ZFHX3: variants seen among roughly 807,000 people sequenced by gnomAD.
ZFHX3 encodes zinc finger homeobox 3.
ZFHX3 carries 42 observed loss-of-function variants against 279.1 expected under a neutral mutation model. That is an observed-to-expected ratio of 0.15 (90% CI 0.12 to 0.19). The LOEUF is 0.19. Ranked by LOEUF, ZFHX3 falls within the 10% of genes least tolerant of loss-of-function variation. The probability of loss-of-function intolerance (pLI) is 1.00; values close to 1 mark genes in which losing one functional copy is unlikely to be tolerated. For synonymous variants in ZFHX3, 2,293 were observed against 1,957.8 expected (o/e 1.17, Z -4.52); for missense variants, 4,981 against 4,754.0 (o/e 1.05, Z -1.40).
At chr16:73,246,772 C>T (rs999465107) in intron 5 of ZFHX3, among the ~76,000 whole-genome samples, 1 of 152,166 alleles carries the variant, frequency 6.6e-6, no homozygotes, top group Admixed American at 6.5e-5. Context: ...CAACTGACTT[C>T]GGTTCCTATA....
intron 2 of ZFHX3, among the ~76,000 whole-genome samples, chr16:73,576,631 G>A (rs891973079): frequency 2.0e-5 from 3 of 152,144 alleles, no homozygotes; most frequent in South Asian, 2.1e-4. Flanking sequence ...GTTTTAACAT[G>A]TATGTCCCAA....
intron 3 of ZFHX3, among the ~76,000 whole-genome samples, chr16:72,894,415 G>A (rs775336447): frequency 4.6e-5 from 7 of 152,224 alleles, no homozygotes; most frequent in South Asian, 2.1e-4. Flanking sequence ...GGCCCTGAGC[G>A]GCTCAACCCG....
chr16:72,866,794 C>G (rs2038034858), intron 4 of ZFHX3, among the ~76,000 whole-genome samples: 1 of 152,122 alleles, frequency 6.6e-6, no homozygotes, highest in African/African-American at 2.4e-5. Flanking sequence ...CTTCAGTGTA[C>G]AGAAGTGACA....
chr16:72,792,155 CAA>C (rs890627700), intron 9 of ZFHX3, among the ~76,000 whole-genome samples: 2 of 151,900 alleles, frequency 1.3e-5, no homozygotes, highest in African/African-American at 4.8e-5. Flanking sequence ...GAAGGAGAAA[CAA>C]GAGAAGTATG....
intron 4 of ZFHX3, among the ~76,000 whole-genome samples, chr16:73,267,139 T>C (rs2013999646): frequency 1.3e-5 from 2 of 152,154 alleles, no homozygotes; most frequent in Middle Eastern, 3.2e-3. Flanking sequence ...GGGAAAAATA[T>C]CTATGGCAGA....
chr16:73,403,306 A>T (rs1427319889), intron 3 of ZFHX3, among the ~76,000 whole-genome samples: 1 of 152,134 alleles, frequency 6.6e-6, no homozygotes, highest in African/African-American at 2.4e-5. Flanking sequence ...TTGGAGAGAA[A>T]TTGTTAGTAA....
chr16:73,142,767 C>CATA (rs1966850929), intron 6 of ZFHX3, among the ~76,000 whole-genome samples: 1 of 152,208 alleles, frequency 6.6e-6, no homozygotes, highest in Non-Finnish European at 1.5e-5. Flanking sequence ...AGGCACAAGA[C>CATA]TAAGCATTTT....
intron 2 of ZFHX3, among the ~76,000 whole-genome samples, chr16:73,676,855 G>T (rs1407951852): frequency 6.6e-6 from 1 of 151,942 alleles, no homozygotes; most frequent in Non-Finnish European, 1.5e-5. Context: ...CAAAACACAA[G>T]AAGTGGGCAA....
chr16:73,062,228 C>CATTT (rs1965692655), upstream of ZFHX3: 1 of 152,132 alleles, frequency 6.6e-6, no homozygotes, highest in South Asian at 2.1e-4. Context: ...TTGCTGTGTA[C>CATTT]ATTTCTCTAG....
At chr16:73,214,164 T>A (rs2012115626) in intron 5 of ZFHX3, among the ~76,000 whole-genome samples, 2 of 152,198 alleles carry the variant, frequency 1.3e-5, no homozygotes, top group African/African-American at 4.8e-5. Context: ...CACAGCCCAG[T>A]GCTTCATCTT....
intron 4 of ZFHX3, among the ~76,000 whole-genome samples, chr16:73,299,902 C>T (rs1301086435): frequency 2.0e-5 from 3 of 152,180 alleles, no homozygotes. Context: ...CTCTCTCTTT[C>T]TTCTGTGGCA....
intron 4 of ZFHX3, among the ~76,000 whole-genome samples, chr16:72,836,592 T>G (rs1302555657): frequency 1.3e-5 from 2 of 152,142 alleles, no homozygotes; most frequent in Non-Finnish European, 2.9e-5. Context: ...TTCTCATGTA[T>G]GTACACGGAA....
At chr16:73,305,999 C>T (rs1046798941) in intron 4 of ZFHX3, among the ~76,000 whole-genome samples, 1 of 152,170 alleles carries the variant, frequency 6.6e-6, no homozygotes, top group Non-Finnish European at 1.5e-5. Flanking sequence ...TCTTCAAATG[C>T]GGATTCTGGC....
chr16:73,866,739 CAG>C (rs1962032180), intron 1 of ZFHX3, among the ~76,000 whole-genome samples: 1 of 152,164 alleles, frequency 6.6e-6, no homozygotes, highest in Admixed American at 6.5e-5. Flanking sequence ...AGCACAGGTG[CAG>C]GGAGTTTATT....
rs759426540 is a variant in ZFHX3, at chr16:72,957,815, C to A, written c.2331G>T (p.Val777=). 6 of 793,384 alleles carry A rather than the reference C, an allele frequency of 7.6e-6. No homozygotes were observed. Among genetic ancestry groups the A allele is most frequent in the Non-Finnish European group, 9.6e-6 (5 of 522,472 alleles). 49.1% of individuals were successfully genotyped at this position (793,384 alleles called of 1,614,324 possible). ...SHTAGAAAAA[V]AAAAAAANIS... is the part of the protein sequence containing the mutation. ...TATTGGCTGCCGCCGCCGCCGCAGCCACCGCCGCCGCCGCCGCCCCGGCAG... is the reference window on the plus strand; with the variant it reads ...TATTGGCTGCCGCCGCCGCCGCAGCAACCGCCGCCGCCGCCGCCCCGGCAG... The change falls in exon 2 of 10, where the codon GTG becomes GTT. Residue 777 remains valine, a synonymous_variant. Transcript: ENST00000268489.
intron 4 of ZFHX3, among the ~76,000 whole-genome samples, chr16:73,302,240 C>T (rs968187177): frequency 1.1e-4 from 17 of 151,606 alleles, no homozygotes; most frequent in South Asian, 2.1e-4. Context: ...TTTTCCCTTC[C>T]TCCCTTCTCT....
intron 5 of ZFHX3, among the ~76,000 whole-genome samples, chr16:73,188,468 C>T (rs892445223): frequency 1.3e-5 from 2 of 152,244 alleles, no homozygotes; most frequent in African/African-American, 4.8e-5. Flanking sequence ...AGCTGATGAG[C>T]TTCGGTCCAC....
chr16:73,027,331 T>G (rs1199699800), intron 1 of ZFHX3, among the ~76,000 whole-genome samples: 1 of 152,194 alleles, frequency 6.6e-6, no homozygotes, highest in African/African-American at 2.4e-5. Context: ...CCCAGGCTTA[T>G]TACAATTTTA....
chr16:72,981,356 G>A (rs577020904), intron 1 of ZFHX3, among the ~76,000 whole-genome samples: 1 of 152,246 alleles, frequency 6.6e-6, no homozygotes, highest in East Asian at 1.9e-4. Flanking sequence ...AACAGCCTAA[G>A]GTTATATAAC....
Sources: gnomAD v4.1 joint callset for allele counts (sites outside exome capture counted in the v4.1 genomes callset) on GRCh38, gnomAD v4.1.1 for gene constraint, MANE v1.5 for transcripts, NCBI Gene and HGNC (gene_info 2026-07-23, HGNC 2026-07-21) for gene names.